KCTD16: variants seen among roughly 807,000 people sequenced by gnomAD.
The protein encoded by KCTD16 is potassium channel tetramerization domain containing 16, also known as BTB/POZ domain-containing protein KCTD16.
In KCTD16, 13 loss-of-function variants were observed where a neutral mutation model predicts 33.2. The ratio of observed to expected loss-of-function variants is 0.39; its 90% CI spans 0.25 to 0.62. KCTD16 has a LOEUF of 0.62. Ranked by LOEUF, KCTD16 falls within the 20% of genes least tolerant of loss-of-function variation. The probability of loss-of-function intolerance (pLI) is 0.50; values close to 1 mark genes in which losing one functional copy is unlikely to be tolerated. For synonymous variants in KCTD16, 197 were observed against 195.3 expected (o/e 1.01, Z -0.07); for missense variants, 441 against 525.1 (o/e 0.84, Z 1.57).
chr5:144,391,877 A>AT (rs1229156936), intron 3 of KCTD16, among the ~76,000 whole-genome samples: 1 of 152,192 alleles, frequency 6.6e-6, no homozygotes, highest in African/African-American at 2.4e-5. Context: ...TAATAGTAGA[A>AT]TTGTGTTGAA....
At chr5:144,462,988 A>T (rs1316837077) in intron 3 of KCTD16, among the ~76,000 whole-genome samples, 3 of 152,230 alleles carry the variant, frequency 2.0e-5, no homozygotes, top group African/African-American at 7.2e-5. Flanking sequence ...GACAAATCGT[A>T]TATAAAGGAA....
intron 3 of KCTD16, among the ~76,000 whole-genome samples, chr5:144,283,454 C>A (rs1020334652): frequency 4.6e-5 from 7 of 152,138 alleles, no homozygotes. Flanking sequence ...TCATTTTTAT[C>A]CCATACTATG....
chr5:144,306,363 TCTCTA>T (rs1024280665), intron 3 of KCTD16, among the ~76,000 whole-genome samples: 11 of 152,214 alleles, frequency 7.2e-5, no homozygotes, highest in African/African-American at 2.7e-4. Flanking sequence ...ACCAGAACAG[TCTCTA>T]CTGTGAAACC....
At chr5:144,318,893 A>C (rs1160236970) in intron 3 of KCTD16, among the ~76,000 whole-genome samples, 1 of 152,190 alleles carries the variant, frequency 6.6e-6, no homozygotes, top group East Asian at 1.9e-4. Flanking sequence ...TGGCATATAA[A>C]ACTTGTGATT....
rs535809581 is a variant in KCTD16 at position 144,232,345 on chromosome 5, G to A, written c.832+24799G>A. Among the ~76,000 whole-genome samples the A allele has an allele frequency of 2.6e-5, 4 of 152,316 alleles. No individual in the cohort carries two copies. The East Asian group carries it at 5.8e-4, about 22-fold the overall frequency. On this transcript the variant is annotated intron_variant, in intron 3 of 3. Transcript: ENST00000512467. The stretch of plus-strand genomic sequence containing the variant: ...AACAAAGTTGCTAATTACGACAACA[G>A]TAATAGTTAATATTTTTTGAGCACT...
chr5:144,172,841 TATTTA>T (rs1752424082), intron 1 of KCTD16, among the ~76,000 whole-genome samples: 1 of 152,242 alleles, frequency 6.6e-6, no homozygotes, highest in Non-Finnish European at 1.5e-5. Context: ...CATCATTATC[TATTTA>T]ATTAATCTTA....
chr5:144,466,942 A>G lies in KCTD16; in HGVS notation c.833-6718A>G, dbSNP rs1173571726. 8.7e-5 allele frequency among the ~76,000 whole-genome samples: 12 copies of G among 138,718 alleles called. 1 individual carries two copies. The highest frequency in any genetic ancestry group is 7.4e-4 in the Admixed American group (10 of 13,466). 91.0% of individuals were successfully genotyped at this position (138,718 alleles called of 152,430 possible). On this transcript the variant is annotated intron_variant, in intron 3 of 3. Transcript: ENST00000512467. ...GCAAGTTTCTGGTTTGGAAGAGTTAACCGTTACTATATATATTATATATAT... is the reference window on the plus strand; with the variant it reads ...GCAAGTTTCTGGTTTGGAAGAGTTAGCCGTTACTATATATATTATATATAT...
chr5:144,286,110 A>G (rs1367147738), intron 3 of KCTD16, among the ~76,000 whole-genome samples: 4 of 151,538 alleles, frequency 2.6e-5, no homozygotes, highest in African/African-American at 7.3e-5. Context: ...TTCGGGATTT[A>G]TTTGTTTTTT....
chr5:144,405,726 T>C (rs560243554), intron 3 of KCTD16, among the ~76,000 whole-genome samples: 9 of 152,132 alleles, frequency 5.9e-5, no homozygotes, highest in Non-Finnish European at 1.2e-4. Context: ...TGATGCTGGT[T>C]TGGTTGGGCT....
chr5:144,419,937 C>G (rs567856951), intron 3 of KCTD16, among the ~76,000 whole-genome samples: 7 of 152,008 alleles, frequency 4.6e-5, no homozygotes, highest in Admixed American at 1.3e-4. Flanking sequence ...CAGAAGCTCT[C>G]GGTAAGAAGT....
chr5:144,178,741 G>A (rs1400130265), intron 2 of KCTD16, among the ~76,000 whole-genome samples: 2 of 152,134 alleles, frequency 1.3e-5, no homozygotes, highest in African/African-American at 2.4e-5. Flanking sequence ...ATTTATAAAT[G>A]TCATTTCTTT....
chr5:144,334,317 G>A (rs1752426819), intron 3 of KCTD16, among the ~76,000 whole-genome samples: 1 of 152,154 alleles, frequency 6.6e-6, no homozygotes, highest in Non-Finnish European at 1.5e-5. Context: ...TTGGTTTTGG[G>A]ACTCAAGGTG....
intron 3 of KCTD16, among the ~76,000 whole-genome samples, chr5:144,357,173 A>G (rs1429437781): frequency 2.0e-5 from 3 of 151,964 alleles, no homozygotes; most frequent in Non-Finnish European, 4.4e-5. Flanking sequence ...AGGAAAAAAG[A>G]GGTACGTCAC....
intron 3 of KCTD16, among the ~76,000 whole-genome samples, chr5:144,225,980 C>A (rs1753919461): frequency 1.3e-5 from 2 of 152,336 alleles, no homozygotes; most frequent in African/African-American, 4.8e-5. Flanking sequence ...AATTGCCTTT[C>A]TCAACTCCTT....
In KCTD16 at chr5:144,480,614, G is replaced by A. The variant is rs777618622; in HGVS notation, c.*6500G>A. On this transcript the variant is annotated 3_prime_UTR_variant, in exon 4 of 4. Transcript: ENST00000512467. Reference sequence around the variant, plus strand: ...ATGTGGGTTATGTGCATTTAAGGCCGTGGCTCTCAACCAGGAGTGGTTTTG... The same window carrying A: ...ATGTGGGTTATGTGCATTTAAGGCCATGGCTCTCAACCAGGAGTGGTTTTG... The A allele has an allele frequency of 4.0e-5, 6 of 151,834 alleles. No homozygotes were observed. The highest frequency in any genetic ancestry group is 9.7e-5 in the African/African-American group (4 of 41,350). 9.4% of individuals were successfully genotyped at this position (151,834 alleles called of 1,614,324 possible).
At chr5:144,186,263 A>G (rs533689229) in intron 2 of KCTD16, among the ~76,000 whole-genome samples, 1 of 152,154 alleles carries the variant, frequency 6.6e-6, no homozygotes, top group Admixed American at 6.5e-5. Flanking sequence ...TAGAGTTTAC[A>G]CTAGCATCTA....
At chr5:144,251,536 A>T (rs2126831268) in intron 3 of KCTD16, among the ~76,000 whole-genome samples, 1 of 152,342 alleles carries the variant, frequency 6.6e-6, no homozygotes, top group Non-Finnish European at 1.5e-5. Context: ...AACCTTTTCA[A>T]TGCTATTATA....
chr5:144,473,739 C>A lies in KCTD16; in HGVS notation c.912C>A (p.Gly304=), dbSNP rs1027204536. ...NGKGDKEGES[G]TSCNDLSTSS... ...AAGGTGACAAAGAAGGGGAGAGCGG[C>A]ACGTCTTGCAATGACCTCTCCACAT... The change falls in exon 4 of 4, where the codon GGC becomes GGA. Residue 304 remains glycine, a synonymous_variant. Transcript: ENST00000512467. 1.2e-6 allele frequency: 2 copies of A among 1,613,538 alleles called. No individual in the cohort carries two copies. Among genetic ancestry groups the A allele is most frequent in the Non-Finnish European group, 1.7e-6 (2 of 1,179,506 alleles).
At chr5:144,356,170 T>G (rs1242467137) in intron 3 of KCTD16, among the ~76,000 whole-genome samples, 3 of 152,194 alleles carry the variant, frequency 2.0e-5, no homozygotes, top group Admixed American at 6.5e-5. Context: ...CTCAATGAAA[T>G]ATACATGCCT....
Sources: gnomAD v4.1 joint callset for allele counts (sites outside exome capture counted in the v4.1 genomes callset) on GRCh38, gnomAD v4.1.1 for gene constraint, MANE v1.5 for transcripts, NCBI Gene and HGNC (gene_info 2026-07-23, HGNC 2026-07-21) for gene names.